CSMD1: variants seen among roughly 807,000 people sequenced by gnomAD.
The protein encoded by CSMD1 is CUB and sushi domain-containing protein 1.
A neutral mutation model predicts 417.5 loss-of-function variants in CSMD1; 213 were observed. That is an observed-to-expected ratio of 0.51 (90% CI 0.46 to 0.57). CSMD1 has a LOEUF of 0.57. CSMD1 is among the 20% of genes least tolerant of loss of function. The probability of loss-of-function intolerance (pLI) is 0.00; values close to 1 mark genes in which losing one functional copy is unlikely to be tolerated. For missense variants in CSMD1, 6,923 were observed against 4,529.7 expected (o/e 1.53, Z -15.17); for synonymous variants, 2,862 against 1,736.8 (o/e 1.65, Z -16.11).
intron 52 of CSMD1, among the ~76,000 whole-genome samples, chr8:3,005,224 G>T (rs774062200): frequency 1.3e-5 from 2 of 152,198 alleles, no homozygotes; most frequent in Non-Finnish European, 2.9e-5. Context: ...AGTACCCTGG[G>T]TGGGACCCAG....
chr8:4,528,628 T>C (rs1431202106), intron 2 of CSMD1, among the ~76,000 whole-genome samples: 3 of 152,196 alleles, frequency 2.0e-5, no homozygotes, highest in African/African-American at 7.2e-5. Context: ...AGTGTTGATG[T>C]ATAGGTTTAT....
intron 4 of CSMD1, among the ~76,000 whole-genome samples, chr8:4,009,187 G>T (rs17330743): frequency 2.6e-5 from 4 of 152,044 alleles, no homozygotes; most frequent in East Asian, 1.9e-4. Flanking sequence ...TATTTCTGTA[G>T]GTTGGGAAAA....
At chr8:4,424,270 A>G (rs1797418746) in intron 2 of CSMD1, among the ~76,000 whole-genome samples, 1 of 152,060 alleles carries the variant, frequency 6.6e-6, no homozygotes, top group Non-Finnish European at 1.5e-5. Context: ...AGACTGGGAA[A>G]ACACATTCGC....
chr8:4,057,359 C>T (rs547583174), intron 3 of CSMD1, among the ~76,000 whole-genome samples: 23 of 151,872 alleles, frequency 1.5e-4, no homozygotes, highest in Middle Eastern at 3.4e-3. Context: ...TCATGTCCTT[C>T]GCCTACTTTT....
intron 11 of CSMD1, among the ~76,000 whole-genome samples, chr8:3,477,289 A>C (rs938099127): frequency 2.0e-5 from 3 of 152,222 alleles, no homozygotes; most frequent in Non-Finnish European, 4.4e-5. Context: ...TACTCATTAC[A>C]GTTGAAAATT....
intron 12 of CSMD1, among the ~76,000 whole-genome samples, chr8:3,417,487 G>C (rs1405871319): frequency 6.6e-6 from 1 of 152,088 alleles, no homozygotes; most frequent in Non-Finnish European, 1.5e-5. Flanking sequence ...TTTTTCTCAT[G>C]TGCTATTTGA....
chr8:4,673,066 C>G (rs1020182268), intron 1 of CSMD1, among the ~76,000 whole-genome samples: 2 of 133,488 alleles, frequency 1.5e-5, no homozygotes, highest in Non-Finnish European at 3.2e-5. Flanking sequence ...GCTGACATGG[C>G]ACACACACAC....
intron 4 of CSMD1, among the ~76,000 whole-genome samples, chr8:4,012,247 G>T (rs905908629): frequency 6.6e-6 from 1 of 151,846 alleles, no homozygotes; most frequent in South Asian, 2.1e-4. Flanking sequence ...TACTCTTCAG[G>T]CTTTCTCTAA....
At chr8:3,606,643 T>G (rs945943261) in intron 8 of CSMD1, among the ~76,000 whole-genome samples, 1 of 152,050 alleles carries the variant, frequency 6.6e-6, no homozygotes, top group Admixed American at 6.6e-5. Context: ...CCACTATAAA[T>G]TTATTAATGC....
chr8:3,370,356 C>A (rs902483179), intron 18 of CSMD1, among the ~76,000 whole-genome samples: 1 of 152,212 alleles, frequency 6.6e-6, no homozygotes, highest in East Asian at 1.9e-4. Flanking sequence ...CGTTCATGCT[C>A]TGCAAACAAA....
At chr8:3,985,189 T>C (rs73180026) in intron 5 of CSMD1, among the ~76,000 whole-genome samples, 41,667 of 151,908 alleles carry the variant, frequency 0.27, 5,708 homozygotes, top group East Asian at 0.38. Flanking sequence ...TTCTCACAGT[T>C]TGTGGTAAAC....
chr8:4,895,959 A>T (rs1306767915), intron 1 of CSMD1, among the ~76,000 whole-genome samples: 1 of 151,836 alleles, frequency 6.6e-6, no homozygotes, highest in African/African-American at 2.4e-5. Flanking sequence ...CCATTTTCAG[A>T]CCTAATTTTC....
intron 5 of CSMD1, among the ~76,000 whole-genome samples, chr8:3,895,954 G>C (rs1807330282): frequency 6.6e-6 from 1 of 152,156 alleles, no homozygotes. Context: ...GGTCCCACTT[G>C]TAAAAGATAG....
chr8:4,752,692 C>T (rs755689760), intron 1 of CSMD1, among the ~76,000 whole-genome samples: 1 of 152,138 alleles, frequency 6.6e-6, no homozygotes, highest in Non-Finnish European at 1.5e-5. Flanking sequence ...TGGGATTGCT[C>T]TACACAGGGG....
intron 3 of CSMD1, among the ~76,000 whole-genome samples, chr8:4,337,303 C>T (rs961584600): frequency 1.3e-5 from 2 of 152,042 alleles, no homozygotes; most frequent in Admixed American, 6.6e-5. Context: ...TTTTCTCTGC[C>T]ATGAAGATCA....
intron 3 of CSMD1, among the ~76,000 whole-genome samples, chr8:4,051,129 AAAG>A (rs1425417627): frequency 6.6e-6 from 1 of 152,124 alleles, no homozygotes; most frequent in Non-Finnish European, 1.5e-5. Context: ...AAAGAAAAGA[AAAG>A]AAAAGAAAAA....
At chr8:4,221,340 C>T (rs912767644) in intron 3 of CSMD1, among the ~76,000 whole-genome samples, 2 of 144,808 alleles carry the variant, frequency 1.4e-5, no homozygotes, top group East Asian at 4.2e-4. Flanking sequence ...CAAAATGTTT[C>T]AAAGGCACAA....
At chr8:4,326,678 G>C (rs73174262) in intron 3 of CSMD1, among the ~76,000 whole-genome samples, 1 of 152,170 alleles carries the variant, frequency 6.6e-6, no homozygotes, top group East Asian at 1.9e-4. Flanking sequence ...AAAGGAAAAG[G>C]TCTGGACTCA....
chr8:3,989,111 A>C (rs1714662884), intron 5 of CSMD1, among the ~76,000 whole-genome samples: 1 of 152,200 alleles, frequency 6.6e-6, no homozygotes, highest in Non-Finnish European at 1.5e-5. Flanking sequence ...ACGTGCAGCT[A>C]GTTATAGAAA....
Sources: allele counts gnomAD v4.1 joint callset (sites outside exome capture counted in the v4.1 genomes callset), GRCh38; gene constraint gnomAD v4.1.1; transcripts MANE v1.5; gene names NCBI Gene and HGNC (gene_info 2026-07-23, HGNC 2026-07-21).